The following PTPRD variants were observed in gnomAD, a reference collection of about 807,000 sequenced individuals.
PTPRD encodes the protein protein tyrosine phosphatase receptor type D.
In PTPRD, 34 loss-of-function variants were observed where a neutral mutation model predicts 214.5. The observed-to-expected ratio is 0.16, with a 90% CI of 0.12 to 0.21. The LOEUF (loss-of-function observed/expected upper bound fraction) is 0.21. PTPRD is among the 10% of genes least tolerant of loss of function. The pLI is 1.00. For missense variants in PTPRD, 2,545 were observed against 2,398.7 expected, an observed-to-expected ratio of 1.06 and a Z score of -1.27; for synonymous variants, 1,128 against 845.7, an observed-to-expected ratio of 1.33 and a Z score of -5.79.
intron 10 of PTPRD, among the ~76,000 whole-genome samples, chr9:9,050,146 A>T (rs1244943581): frequency 6.6e-6 from 1 of 152,244 alleles, no homozygotes; most frequent in African/African-American, 2.4e-5. Flanking sequence ...GGCTATAAAA[A>T]TATTGTCCTG....
chr9:9,520,996 G>C (rs1040245632), intron 8 of PTPRD, among the ~76,000 whole-genome samples: 4 of 151,994 alleles, frequency 2.6e-5, no homozygotes, highest in South Asian at 2.1e-4. Context: ...CATCAGATGG[G>C]GTACTGAAAT....
At chr9:10,605,702 AG>A (rs906042199) in intron 2 of PTPRD, among the ~76,000 whole-genome samples, 2 of 151,856 alleles carry the variant, frequency 1.3e-5, no homozygotes, top group African/African-American at 4.8e-5. Flanking sequence ...CTTAGGGAAG[AG>A]ATTCCTTTTT....
chr9:10,412,345 C>T lies in PTPRD; in HGVS notation c.-599-71328G>A, dbSNP rs1446620929. Among the ~76,000 whole-genome samples the T allele has an allele frequency of 2.0e-5, 3 of 151,522 alleles. No individual in the cohort carries two copies. In the South Asian group the frequency reaches 6.2e-4, roughly 32 times the overall value. ...TGGACAAATTCCTGGACACACTCAC[C>T]CTTCTAAGACTGAATCAGAAAGAAA... On this transcript the variant is annotated intron_variant, in intron 2 of 45. Coordinates refer to ENST00000381196, the MANE Select transcript of PTPRD (RefSeq NM_002839.4).
intron 3 of PTPRD, among the ~76,000 whole-genome samples, chr9:10,120,634 T>C (rs1309861749): frequency 2.0e-5 from 3 of 151,528 alleles, no homozygotes; most frequent in African/African-American, 4.8e-5. Context: ...AAAGTTTCTA[T>C]AGTTCTATAC....
At chr9:10,167,683 G>A (rs2099167771) in intron 3 of PTPRD, among the ~76,000 whole-genome samples, 1 of 152,144 alleles carries the variant, frequency 6.6e-6, no homozygotes, top group African/African-American at 2.4e-5. Flanking sequence ...CAAAGCCTCT[G>A]AGGCTATCCA....
At chr9:10,584,290 A>G (rs1384231505) in intron 2 of PTPRD, among the ~76,000 whole-genome samples, 2 of 152,184 alleles carry the variant, frequency 1.3e-5, no homozygotes, top group Admixed American at 6.5e-5. Flanking sequence ...CTATCCCAAC[A>G]TGGATCTATC....
At chr9:10,389,368 A>T (rs2098005499) in intron 2 of PTPRD, among the ~76,000 whole-genome samples, 1 of 151,846 alleles carries the variant, frequency 6.6e-6, no homozygotes, top group Non-Finnish European at 1.5e-5. Context: ...TCAGAGTGCT[A>T]TTTTAATATA....
chr9:8,656,937 A>C (rs910053765), intron 12 of PTPRD, among the ~76,000 whole-genome samples: 3 of 152,206 alleles, frequency 2.0e-5, no homozygotes, highest in African/African-American at 7.2e-5. Context: ...ACATCACAGA[A>C]ATTATCACAT....
At chr9:10,111,179 C>A (rs923835446) in intron 3 of PTPRD, among the ~76,000 whole-genome samples, 3 of 139,496 alleles carry the variant, frequency 2.2e-5, no homozygotes, top group Non-Finnish European at 4.6e-5. Flanking sequence ...CCAAATAATT[C>A]TATGCAAATG....
intron 11 of PTPRD, among the ~76,000 whole-genome samples, chr9:8,846,576 C>T (rs2097701127): frequency 6.6e-6 from 1 of 152,056 alleles, no homozygotes; most frequent in South Asian, 2.1e-4. Context: ...AAGCTATGCC[C>T]TGAAGGAAGA....
At chr9:9,562,906 T>C (rs183331666) in intron 8 of PTPRD, among the ~76,000 whole-genome samples, 88 of 152,300 alleles carry the variant, frequency 5.8e-4, no homozygotes, top group African/African-American at 2.0e-3. Context: ...CCAAGCTCCA[T>C]GTGGGCAGAC....
At chr9:9,093,211 A>G (rs965928073) in intron 10 of PTPRD, among the ~76,000 whole-genome samples, 4 of 152,124 alleles carry the variant, frequency 2.6e-5, no homozygotes, top group Admixed American at 6.5e-5. Flanking sequence ...TAAAAGGAGA[A>G]TTAAGCAAAT....
chr9:9,414,172 G>C (rs999904250), intron 8 of PTPRD, among the ~76,000 whole-genome samples: 8 of 152,204 alleles, frequency 5.3e-5, no homozygotes, highest in African/African-American at 1.9e-4. Context: ...GGTATTCTGA[G>C]TGCCTGAAAG....
intron 10 of PTPRD, among the ~76,000 whole-genome samples, chr9:9,039,987 T>TA (rs1569490416): frequency 6.6e-6 from 1 of 151,876 alleles, no homozygotes; most frequent in South Asian, 2.1e-4. Flanking sequence ...GTGCATTTTT[T>TA]TTTTTCTGGC....
At chr9:8,639,313 A>T (rs2154331945) in intron 12 of PTPRD, among the ~76,000 whole-genome samples, 1 of 152,356 alleles carries the variant, frequency 6.6e-6, no homozygotes, top group African/African-American at 2.4e-5. Context: ...CCAATGGAAA[A>T]ATTATAATTA....
intron 11 of PTPRD, among the ~76,000 whole-genome samples, chr9:8,777,824 C>CA (rs767531778): frequency 3.9e-5 from 6 of 152,138 alleles, no homozygotes; most frequent in Non-Finnish European, 8.8e-5. Flanking sequence ...GTGACTGGAG[C>CA]AAAGCATAGT....
rs143085004 is a variant in PTPRD at position 8,874,814 on chromosome 9, C to T, written c.-103-140868G>A. 4.4e-3 allele frequency among the ~76,000 whole-genome samples: 671 copies of T among 152,278 alleles called. 7 individuals are homozygous for T. The highest frequency in any genetic ancestry group is 0.015 in the African/African-American group (627 of 41,562). On this transcript the variant is annotated intron_variant, in intron 11 of 45. Coordinates refer to ENST00000381196, the MANE Select transcript of PTPRD (RefSeq NM_002839.4). ...TGGCAAATCACTTACTTGAAACCAC[C>T]ATGCGGAGCCTGGCTCCTAGGAAAT...
At chr9:9,688,265 T>G (rs117754874) in intron 7 of PTPRD, among the ~76,000 whole-genome samples, 2,827 of 151,958 alleles carry the variant, frequency 0.019, 41 homozygotes, top group Non-Finnish European at 0.028. Context: ...CCTAGAAATA[T>G]TTACAAAAAC....
intron 9 of PTPRD, among the ~76,000 whole-genome samples, chr9:9,286,841 C>A (rs1450225197): frequency 8.3e-6 from 1 of 121,034 alleles, no homozygotes. Context: ...AATGAGTAAA[C>A]AGAACAGCTC....
Sources: allele counts gnomAD v4.1 joint callset (sites outside exome capture counted in the v4.1 genomes callset), GRCh38; gene constraint gnomAD v4.1.1; transcripts MANE v1.5; gene names NCBI Gene and HGNC (gene_info 2026-07-23, HGNC 2026-07-21).